The following STK32B variants were observed in gnomAD, a reference collection of about 807,000 sequenced individuals.
The protein encoded by STK32B is serine/threonine kinase 32B.
A neutral mutation model predicts 52.6 loss-of-function variants in STK32B; 43 were observed. The observed-to-expected ratio is 0.82, with a 90% confidence interval of 0.64 to 1.05. The LOEUF is 1.05. STK32B is among the 50% of genes least tolerant of loss of function. STK32B has a pLI of 0.00. For synonymous variants in STK32B, 238 were observed against 204.3 expected (o/e 1.17, Z -1.41); for missense variants, 621 against 534.6 (o/e 1.16, Z -1.59).
chr4:5,262,064 G>A lies in STK32B; in HGVS notation c.261-69156G>A, dbSNP rs561110667. Among the ~76,000 whole-genome samples the A allele has an allele frequency of 3.2e-4, 48 of 152,166 alleles. No individual in the cohort carries two copies. The South Asian group carries it at 3.5e-3, about 11-fold the overall frequency. On this transcript the variant is annotated intron_variant, in intron 3 of 11. Transcript: ENST00000282908. The stretch of plus-strand genomic sequence containing the variant: ...TCTAACAAATTGCTGATTCTCCGTC[G>A]TGCCTCCCTCCTTCCCCTCATCTTT...
rs1264890272 is a variant in STK32B at position 5,399,405 on chromosome 4, A to T, written c.472+1161A>T. Among the ~76,000 whole-genome samples the T allele has an allele frequency of 6.6e-6, 1 of 152,062 alleles. No individual in the cohort carries two copies. Among genetic ancestry groups the T allele is most frequent in the Non-Finnish European group, 1.5e-5 (1 of 68,002 alleles). On this transcript the variant is annotated intron_variant, in intron 5 of 11. Coordinates refer to ENST00000282908, the MANE Select transcript of STK32B (RefSeq NM_018401.3). The surrounding 1 kb of genome is among the most constrained non-coding windows in gnomAD (Gnocchi z 5.4). The stretch of plus-strand genomic sequence containing the variant: ...ATAGCTTGGGGCATCCTAACCTCAT[A>T]GTGTGCATCCCTATGTACAGGAGTG...
At chr4:5,181,351 CACACACACACACACACAG>C (rs1001207132) in intron 3 of STK32B, among the ~76,000 whole-genome samples, 1 of 144,682 alleles carries the variant, frequency 6.9e-6, no homozygotes, top group South Asian at 2.3e-4. Flanking sequence ...CACACACACA[CACACACACACACACACAG>C]AGATCTCATT....
chr4:5,097,168 T>C (rs1713448448), intron 1 of STK32B, among the ~76,000 whole-genome samples: 1 of 152,192 alleles, frequency 6.6e-6, no homozygotes, highest in Non-Finnish European at 1.5e-5. Flanking sequence ...ATTTTTGTTG[T>C]GGAATGGAAA....
chr4:5,104,420 A>AT (rs1713989279), intron 1 of STK32B, among the ~76,000 whole-genome samples: 1 of 152,210 alleles, frequency 6.6e-6, no homozygotes. Context: ...AGGTGTCTTT[A>AT]TTAGCAGCAT....
intron 11 of STK32B, among the ~76,000 whole-genome samples, chr4:5,483,091 G>T (rs1430283011): frequency 6.6e-6 from 1 of 152,036 alleles, no homozygotes; most frequent in Non-Finnish European, 1.5e-5. Context: ...TCAGGATGAT[G>T]CTGGACTCAT....
intron 4 of STK32B, among the ~76,000 whole-genome samples, chr4:5,397,784 C>G (rs1056778287): frequency 7.2e-5 from 11 of 152,210 alleles, no homozygotes; most frequent in Non-Finnish European, 1.6e-4. Context: ...CATCTCTGAC[C>G]ATGACAACTT....
rs1159358501 is a variant in STK32B, at chr4:5,460,834, T to C, written c.909+606T>C. Reference sequence around the variant, plus strand: ...AGGGAATAAACCAGAGGGAATATAATAGGAAATGGGGCCAGGAGGGAACAC... The same window carrying C: ...AGGGAATAAACCAGAGGGAATATAACAGGAAATGGGGCCAGGAGGGAACAC... On this transcript the variant is annotated intron_variant, in intron 9 of 11. Coordinates refer to ENST00000282908, the MANE Select transcript of STK32B (RefSeq NM_018401.3). The surrounding 1 kb of genome is among the most constrained non-coding windows in gnomAD (Gnocchi z 4.8). 6.6e-6 allele frequency among the ~76,000 whole-genome samples: 1 copy of C among 152,030 alleles called. No individual in the cohort carries two copies. The highest frequency in any genetic ancestry group is 2.4e-5 in the African/African-American group (1 of 41,374).
chr4:5,263,133 G>A (rs969331718), intron 3 of STK32B, among the ~76,000 whole-genome samples: 9 of 152,054 alleles, frequency 5.9e-5, no homozygotes, highest in African/African-American at 2.2e-4. Flanking sequence ...ACACCGGGAG[G>A]GACTTAGGTA....
chr4:5,265,574 A>G (rs907137961), intron 3 of STK32B, among the ~76,000 whole-genome samples: 4 of 152,210 alleles, frequency 2.6e-5, no homozygotes, highest in African/African-American at 7.2e-5. Context: ...ACTAATGCAA[A>G]TATTCCAAAC....
chr4:5,499,102 T>A lies in STK32B; in HGVS notation c.*19T>A. 7 of 1,602,810 alleles carry A rather than the reference T, an allele frequency of 4.4e-6. No individual in the cohort carries two copies. The highest frequency in any genetic ancestry group is 5.1e-6 in the Non-Finnish European group (6 of 1,173,910). On this transcript the variant is annotated 3_prime_UTR_variant, in exon 12 of 12. Coordinates refer to ENST00000282908, the MANE Select transcript of STK32B (RefSeq NM_018401.3). ...CAGCTGAGCCCACACTTGTTGCTGC[T>A]CAACAGGACTGCACTCGTCTCTGCC...
chr4:5,099,691 A>G (rs1378353635), intron 1 of STK32B, among the ~76,000 whole-genome samples: 1 of 152,160 alleles, frequency 6.6e-6, no homozygotes, highest in Non-Finnish European at 1.5e-5. Flanking sequence ...AGGCAGGGGA[A>G]ATATCCCAGA....
intron 1 of STK32B, among the ~76,000 whole-genome samples, chr4:5,125,523 G>A (rs1285713449): frequency 6.6e-6 from 1 of 152,156 alleles, no homozygotes; most frequent in Non-Finnish European, 1.5e-5. Context: ...TGGGCGTGGT[G>A]GACCAGAGCA....
At chr4:5,190,465 G>A (rs187041796) in intron 3 of STK32B, among the ~76,000 whole-genome samples, 43 of 152,210 alleles carry the variant, frequency 2.8e-4, no homozygotes, top group Non-Finnish European at 5.3e-4. Flanking sequence ...TGCGATCAGA[G>A]TGCCCTGTGC....
chr4:5,442,062 G>A (rs1714833470), intron 6 of STK32B, among the ~76,000 whole-genome samples: 1 of 110,390 alleles, frequency 9.1e-6, no homozygotes, highest in African/African-American at 3.4e-5. Flanking sequence ...GTGTGGTGCT[G>A]AAAAAAATGT....
At chr4:5,404,668 A>T (rs1215518542) in intron 5 of STK32B, among the ~76,000 whole-genome samples, 2 of 151,808 alleles carry the variant, frequency 1.3e-5, no homozygotes, top group Non-Finnish European at 2.9e-5. Context: ...AGAAATCATC[A>T]TCCCACTCAG....
chr4:5,328,791 G>A (rs1044040331), intron 3 of STK32B, among the ~76,000 whole-genome samples: 7 of 152,158 alleles, frequency 4.6e-5, no homozygotes, highest in Admixed American at 2.6e-4. Flanking sequence ...TTGTAAGAAA[G>A]TGAAGTGCAG....
intron 3 of STK32B, among the ~76,000 whole-genome samples, chr4:5,294,770 C>G (rs999293292): frequency 1.3e-5 from 2 of 152,176 alleles, no homozygotes; most frequent in African/African-American, 2.4e-5. Context: ...TTATTTCTTT[C>G]TCTTGCCTGA....
intron 1 of STK32B, among the ~76,000 whole-genome samples, chr4:5,111,777 G>A (rs918245794): frequency 6.6e-6 from 1 of 152,072 alleles, no homozygotes; most frequent in African/African-American, 2.4e-5. Flanking sequence ...AAAACGATGT[G>A]TATGGACCTC....
At chr4:5,245,864 T>A (rs1337455089) in intron 3 of STK32B, among the ~76,000 whole-genome samples, 12 of 152,334 alleles carry the variant, frequency 7.9e-5, no homozygotes, top group Admixed American at 7.8e-4. Flanking sequence ...AATTCTGGGT[T>A]GAAAATTCTT....
Sources: allele counts gnomAD v4.1 joint callset (sites outside exome capture counted in the v4.1 genomes callset), GRCh38; gene constraint gnomAD v4.1.1; non-coding constraint Gnocchi (gnomAD v3.1); transcripts MANE v1.5; gene names NCBI Gene and HGNC (gene_info 2026-07-23, HGNC 2026-07-21).